Variants in LRRFIP2 observed in about 807,000 individuals in gnomAD.
LRRFIP2 encodes the protein leucine-rich repeat flightless-interacting protein 2.
Under a neutral mutation model 125.9 loss-of-function variants are expected in LRRFIP2, and 109 were observed. The ratio of observed to expected loss-of-function variants is 0.87; its 90% CI spans 0.74 to 1.01. The LOEUF is 1.01. Among genes scored for constraint, LRRFIP2 ranks in the 50% least tolerant of loss-of-function variants. The pLI, the probability that LRRFIP2 is intolerant of heterozygous loss-of-function variation, is 0.00. For synonymous variants in LRRFIP2, 291 were observed against 293.1 expected, an observed-to-expected ratio of 0.99 and a Z score of 0.07; for missense variants, 850 against 862.3, an observed-to-expected ratio of 0.99 and a Z score of 0.18.
intron 23 of LRRFIP2, 155 bp downstream of exon 23, chr3:37,065,655 A>C: frequency 1.1e-6 from 1 of 902,184 alleles, no homozygotes; most frequent in South Asian, 1.4e-5. Flanking sequence ...AGGATGTCTG[A>C]AGACAATGTG....
At position 37,112,896 on chromosome 3, in the gene LRRFIP2, G is replaced by T. The variant is rs748145305; in HGVS notation, c.438+19C>A. Reference sequence around the variant, plus strand: ...AACAGTACTTCGTGAATTGTGATATGAGAGACAACAGAACTAACCAGTAGG... The same window carrying T: ...AACAGTACTTCGTGAATTGTGATATTAGAGACAACAGAACTAACCAGTAGG... On this transcript the variant is annotated intron_variant, in intron 8 of 27. Coordinates refer to ENST00000336686, the MANE Select transcript of LRRFIP2 (RefSeq NM_006309.4). 1.5e-5 allele frequency: 22 copies of T among 1,439,546 alleles called. No individual in the cohort carries two copies. Among genetic ancestry groups the T allele is most frequent in the Non-Finnish European group, 2.0e-5 (21 of 1,043,828 alleles). The allele number at this position is 1,439,546 out of a possible 1,614,324, so 89.2% of individuals were successfully genotyped here.
At chr3:37,142,741 C>T (rs1402047263) in intron 2 of LRRFIP2, among the ~76,000 whole-genome samples, 2 of 152,106 alleles carry the variant, frequency 1.3e-5, no homozygotes, top group Admixed American at 6.5e-5. Context: ...AGCATCACTT[C>T]GGGAGAAAAC....
chr3:37,099,438 T>C (rs893857311), intron 15 of LRRFIP2, among the ~76,000 whole-genome samples: 1 of 152,178 alleles, frequency 6.6e-6, no homozygotes, highest in African/African-American at 2.4e-5. Flanking sequence ...TGTAAAACTG[T>C]AGTTTAATAA....
At chr3:37,065,519 C>G in intron 23 of LRRFIP2, 2 of 543,342 alleles carry the variant, frequency 3.7e-6, no homozygotes, top group Non-Finnish European at 7.0e-6. Flanking sequence ...ACTAGACTAT[C>G]TCTTTGCAGA....
At chr3:37,164,298 T>C (rs2096419698) in intron 1 of LRRFIP2, among the ~76,000 whole-genome samples, 1 of 152,108 alleles carries the variant, frequency 6.6e-6, no homozygotes, top group Admixed American at 6.5e-5. Context: ...AATTTCAAAA[T>C]TGGAATGTTG....
Position 37,083,780 on chromosome 3 carries a change from T to C in LRRFIP2, c.1134A>G (p.Lys378=), listed in dbSNP as rs753902852. The C allele has an allele frequency of 2.5e-6, 4 of 1,590,252 alleles. No homozygotes were observed. In the East Asian group the frequency reaches 6.9e-5, roughly 28 times the overall value. The change falls in exon 19 of 28, where the codon AAA becomes AAG. Residue 378 remains lysine (K), a synonymous_variant. Transcript: ENST00000336686. ...LKESLSEVEE[K]YKKAMVSNAQ... ...CATTGGAAACCATGGCTTTCTTGTATTTTTCTTCCACTTCAGACAAAGATT... is the reference window on the plus strand; with the variant it reads ...CATTGGAAACCATGGCTTTCTTGTACTTTTCTTCCACTTCAGACAAAGATT...
At chr3:37,058,102 G>GA (rs886378655) in intron 25 of LRRFIP2, among the ~76,000 whole-genome samples, 3 of 152,286 alleles carry the variant, frequency 2.0e-5, no homozygotes, top group Admixed American at 6.5e-5. Flanking sequence ...AAATTCCAGA[G>GA]AAAAAACTTT....
chr3:37,139,869 C>T (rs966267363), intron 2 of LRRFIP2, among the ~76,000 whole-genome samples: 1 of 152,130 alleles, frequency 6.6e-6, no homozygotes, highest in Non-Finnish European at 1.5e-5. Context: ...AGCTTTCTCA[C>T]ACCTCCCTCT....
rs546201626 is a variant in LRRFIP2 at position 37,155,523 on chromosome 3, T to C, written c.-55-6485A>G. On this transcript the variant is annotated intron_variant, in intron 1 of 27. Transcript: ENST00000336686. ...AAAAGGAGAAATTTTTAAGGTACTTTGTATTCAAAGTTTACTTCTAAAACT... is the reference window on the plus strand; with the variant it reads ...AAAAGGAGAAATTTTTAAGGTACTTCGTATTCAAAGTTTACTTCTAAAACT... Among the ~76,000 whole-genome samples the C allele has an allele frequency of 1.4e-4, 22 of 152,370 alleles. No homozygotes were observed. In the East Asian group the frequency reaches 4.0e-3, roughly 28 times the overall value.
chr3:37,161,033 A>G (rs572133474), intron 1 of LRRFIP2, among the ~76,000 whole-genome samples: 1 of 152,206 alleles, frequency 6.6e-6, no homozygotes, highest in African/African-American at 2.4e-5. Context: ...AAAATGGAAT[A>G]TTACCTAGCC....
chr3:37,107,222 A>G (rs1274208921), intron 13 of LRRFIP2, among the ~76,000 whole-genome samples: 1 of 152,186 alleles, frequency 6.6e-6, no homozygotes, highest in Non-Finnish European at 1.5e-5. Flanking sequence ...TTTAAAATGT[A>G]TACTTACGCA....
rs2148570480 is a variant in LRRFIP2 at position 37,054,416 on chromosome 3, G to A, written c.2050C>T (p.Arg684Ter). 2.5e-6 allele frequency: 4 copies of A among 1,611,278 alleles called. No individual in the cohort carries two copies. The highest frequency in any genetic ancestry group is 1.3e-5 in the African/African-American group (1 of 74,950). Residue 684 changes from arginine (R) to a stop codon, truncating the protein, a stop_gained, in exon 27 of 28, where the codon CGA (arginine) becomes TGA (stop). Transcript: ENST00000336686. LOFTEE classifies it high-confidence loss of function. ...AAACATATTAAAAGAAGTACCTCTC[G>A]TTGTAGCTTCCGTTTTTCTGCTTTC... ...ELKAEKRKLQ[R>*]ELRTALDKIE... is the part of the protein sequence containing the mutation.
At chr3:37,165,800 AGAAAGAAAG>A (rs1560166125) in intron 1 of LRRFIP2, among the ~76,000 whole-genome samples, 73 of 40,272 alleles carry the variant, frequency 1.8e-3, no homozygotes, top group Non-Finnish European at 1.8e-3. Flanking sequence ...AGAAAGAGAA[AGAAAGAAAG>A]AAAGAAAGAA....
intron 2 of LRRFIP2, among the ~76,000 whole-genome samples, chr3:37,146,949 T>C (rs1005156171): frequency 7.9e-5 from 12 of 151,362 alleles, no homozygotes; most frequent in Non-Finnish European, 1.6e-4. Flanking sequence ...TGGGAGAAAA[T>C]TTTTGCAATC....
At chr3:37,110,574 G>T (rs1458686327) in intron 9 of LRRFIP2, among the ~76,000 whole-genome samples, 1 of 151,822 alleles carries the variant, frequency 6.6e-6, no homozygotes. Flanking sequence ...TTTTTAAAAG[G>T]GTACCCACTC....
intron 1 of LRRFIP2, among the ~76,000 whole-genome samples, chr3:37,165,801 G>GAAAA (rs1553838235): frequency 1.4e-5 from 1 of 69,366 alleles, no homozygotes; most frequent in Non-Finnish European, 3.1e-5. Flanking sequence ...GAAAGAGAAA[G>GAAAA]AAAGAAAGAA....
chr3:37,059,561 G>A (rs1296283057), intron 24 of LRRFIP2, among the ~76,000 whole-genome samples: 2 of 152,100 alleles, frequency 1.3e-5, no homozygotes, highest in Non-Finnish European at 2.9e-5. Context: ...AGCTGAGGCG[G>A]GCGGATCACA....
intron 18 of LRRFIP2, among the ~76,000 whole-genome samples, chr3:37,086,646 A>ATTG (rs2093066404): frequency 6.6e-6 from 1 of 152,214 alleles, no homozygotes. Flanking sequence ...TTCCATTTGT[A>ATTG]TAAAATCTCC....
At chr3:37,143,535 T>C in intron 2 of LRRFIP2, 1 of 251,472 alleles carries the variant, frequency 4.0e-6, no homozygotes, top group Non-Finnish European at 8.5e-6. Context: ...TCGACTTTAT[T>C]CAAGAAGTCC....
Sources: allele counts gnomAD v4.1 joint callset (sites outside exome capture counted in the v4.1 genomes callset), GRCh38; gene constraint gnomAD v4.1.1; transcripts MANE v1.5; gene names NCBI Gene and HGNC (gene_info 2026-07-23, HGNC 2026-07-21).